TBC1D12: variants seen among roughly 807,000 people sequenced by gnomAD.
TBC1D12 encodes the protein TBC1 domain family, member 12.
In TBC1D12, 56 loss-of-function variants were observed where a neutral mutation model predicts 86.7. That is an observed-to-expected ratio of 0.65 (90% CI 0.52 to 0.81). The LOEUF (loss-of-function observed/expected upper bound fraction) is 0.81, where lower values mean the gene tolerates loss of function less well. Among genes scored for constraint, TBC1D12 ranks in the 30% least tolerant of loss-of-function variants. The pLI is 0.00. For missense variants in TBC1D12, 1,023 were observed against 1,038.8 expected, an observed-to-expected ratio of 0.98 and a Z score of 0.21; for synonymous variants, 421 against 411.7, an observed-to-expected ratio of 1.02 and a Z score of -0.27.
At chr10:94,473,195 A>G (rs2055934177) in intron 2 of TBC1D12, among the ~76,000 whole-genome samples, 1 of 151,124 alleles carries the variant, frequency 6.6e-6, no homozygotes, top group Non-Finnish European at 1.5e-5. Context: ...TCTACTAAAA[A>G]TACAAAAAAA....
Position 94,469,447 on chromosome 10 carries a change from C to CTT in TBC1D12, c.1096-5203_1096-5202dup, listed in dbSNP as rs71031578. ...CTATGCTAGTTTCTGGAGTTTTTTC[C>CTT]TTTTTTTTTTTTTTTTTTTGAGATG... On this transcript the variant is annotated intron_variant, in intron 2 of 12. Coordinates refer to ENST00000225235, the MANE Select transcript of TBC1D12 (RefSeq NM_015188.2). Among the ~76,000 whole-genome samples the CTT allele has an allele frequency of 4.6e-3, 520 of 112,550 alleles. 6 individuals carry two copies. The highest frequency in any genetic ancestry group is 0.012 in the East Asian group (42 of 3,454). 73.8% of individuals were successfully genotyped at this position (112,550 alleles called of 152,430 possible). A position where few individuals can be genotyped will look rare whatever the true frequency, so the allele number is the denominator to read the frequency against.
At chr10:94,531,809 T>TTTATTTTATG (rs1354429584) in intron 12 of TBC1D12, among the ~76,000 whole-genome samples, 74 of 147,268 alleles carry the variant, frequency 5.0e-4, no homozygotes, top group South Asian at 2.4e-3. Context: ...TTTATGTTAT[T>TTTATTTTATG]TTATTTTATG....
At chr10:94,413,738 G>GTTT (rs1257522328) in intron 1 of TBC1D12, among the ~76,000 whole-genome samples, 3 of 144,270 alleles carry the variant, frequency 2.1e-5, no homozygotes, top group Non-Finnish European at 4.6e-5. Context: ...GGCTTTTCAG[G>GTTT]TTTTTTTTTT....
intron 2 of TBC1D12, among the ~76,000 whole-genome samples, chr10:94,443,672 A>T (rs775122952): frequency 2.6e-5 from 4 of 152,208 alleles, no homozygotes; most frequent in Non-Finnish European, 5.9e-5. Flanking sequence ...CAGTTCCAAC[A>T]TTAAGTGCTA....
In TBC1D12 at chr10:94,507,299, G is replaced by C. The variant is rs764005904; in HGVS notation, c.1552G>C (p.Glu518Gln). Residue 518 changes from glutamate to glutamine, a missense_variant, in exon 7 of 13, where the codon GAA becomes CAA. Around this residue, in one of 2 missense-constraint regions of TBC1D12, gnomAD observed 395 missense variants for 507.7 expected, o/e 0.78. Transcript: ENST00000225235. ...LYEIFLSRAKERWKSFSETSS... is the reference protein window; with the variant it reads ...LYEIFLSRAKQRWKSFSETSS... ...TGAAATCTTCCTCTCAAGAGCAAAAGAACGGTGGAAAAGTTTCAGTGAAAC... is the reference window on the plus strand; with the variant it reads ...TGAAATCTTCCTCTCAAGAGCAAAACAACGGTGGAAAAGTTTCAGTGAAAC... 2.5e-6 allele frequency: 4 copies of C among 1,610,190 alleles called. No homozygotes were observed. The highest frequency in any genetic ancestry group is 1.3e-5 in the African/African-American group (1 of 74,632).
Position 94,512,811 on chromosome 10 carries a change from A to G in TBC1D12, c.1761+1157A>G, listed in dbSNP as rs560347249. 2.6e-5 allele frequency among the ~76,000 whole-genome samples: 4 copies of G among 152,352 alleles called. No homozygotes were observed. In the East Asian group the frequency reaches 5.8e-4, roughly 22 times the overall value. The stretch of plus-strand genomic sequence containing the variant: ...AGTCTTTAAACTCTCTTACTCAGGT[A>G]TTCTGTGAATGAATTGTAAGAACAC... On this transcript the variant is annotated intron_variant, in intron 9 of 12. Coordinates refer to ENST00000225235, the MANE Select transcript of TBC1D12 (RefSeq NM_015188.2).
intron 4 of TBC1D12, among the ~76,000 whole-genome samples, chr10:94,496,110 GAAGA>G (rs1406253597): frequency 1.3e-5 from 2 of 151,708 alleles, no homozygotes; most frequent in Non-Finnish European, 2.9e-5. Flanking sequence ...TTCAAAAAAA[GAAGA>G]AAGAAAGTAG....
intron 1 of TBC1D12, among the ~76,000 whole-genome samples, chr10:94,435,324 G>A (rs1287626580): frequency 6.6e-6 from 1 of 152,150 alleles, no homozygotes; most frequent in Non-Finnish European, 1.5e-5. Flanking sequence ...TTTATATCAT[G>A]TAAATTTCTA....
At chr10:94,434,874 G>C (rs1169001710) in intron 1 of TBC1D12, among the ~76,000 whole-genome samples, 2 of 152,146 alleles carry the variant, frequency 1.3e-5, no homozygotes. Context: ...TCCATTCTGA[G>C]AGTGGAACCC....
intron 9 of TBC1D12, among the ~76,000 whole-genome samples, chr10:94,513,150 G>A (rs1047463184): frequency 6.6e-6 from 1 of 152,056 alleles, no homozygotes; most frequent in Non-Finnish European, 1.5e-5. Flanking sequence ...AGGAGGCTGA[G>A]GCAGGAGAAT....
At chr10:94,498,764 T>G (rs576344497) in intron 5 of TBC1D12, among the ~76,000 whole-genome samples, 11 of 151,660 alleles carry the variant, frequency 7.3e-5, no homozygotes, top group African/African-American at 2.7e-4. Context: ...CCGTGATGTG[T>G]TTTTTGAGGG....
chr10:94,454,451 TC>T (rs2055596142), intron 2 of TBC1D12, among the ~76,000 whole-genome samples: 1 of 152,200 alleles, frequency 6.6e-6, no homozygotes, highest in Non-Finnish European at 1.5e-5. Flanking sequence ...CCTCAGGTTA[TC>T]CACCCGCCTC....
At chr10:94,422,185 G>GTTTTTTTTTTT (rs57798611) in intron 1 of TBC1D12, among the ~76,000 whole-genome samples, 2 of 106,816 alleles carry the variant, frequency 1.9e-5, no homozygotes, top group Non-Finnish European at 1.9e-5. Flanking sequence ...GGTTCATGTA[G>GTTTTTTTTTTT]TTTTTTTTTT....
At chr10:94,412,206 T>C (rs1210276827) in intron 1 of TBC1D12, among the ~76,000 whole-genome samples, 1 of 152,200 alleles carries the variant, frequency 6.6e-6, no homozygotes, top group Non-Finnish European at 1.5e-5. Flanking sequence ...GCCATGAGGG[T>C]TAAATAATAT....
chr10:94,494,106 G>A (rs957426900), intron 4 of TBC1D12, among the ~76,000 whole-genome samples: 4 of 151,916 alleles, frequency 2.6e-5, no homozygotes, highest in Non-Finnish European at 5.9e-5. Flanking sequence ...GCCCAATTGT[G>A]TCATTTGGTT....
In TBC1D12 at chr10:94,407,797, C is replaced by T. The variant is rs868446265; in HGVS notation, c.971+4213C>T. 5.5e-4 allele frequency among the ~76,000 whole-genome samples: 84 copies of T among 152,116 alleles called. 1 individual carries two copies. The highest frequency in any genetic ancestry group is 1.8e-3 in the African/African-American group (74 of 41,496). ...TAATTCCCCAAAGATCCATTTGTTA[C>T]TCTTTTTAAAAAATAGTTCTAAGCT... On this transcript the variant is annotated intron_variant, in intron 1 of 12. Coordinates refer to ENST00000225235, the MANE Select transcript of TBC1D12 (RefSeq NM_015188.2).
At chr10:94,408,026 A>G (rs2054880405) in intron 1 of TBC1D12, among the ~76,000 whole-genome samples, 1 of 152,126 alleles carries the variant, frequency 6.6e-6, no homozygotes, top group Non-Finnish European at 1.5e-5. Context: ...CTTGTTTTCT[A>G]AGTAGAATGG....
At chr10:94,479,998 C>T (rs967111651) in intron 3 of TBC1D12, among the ~76,000 whole-genome samples, 2 of 152,114 alleles carry the variant, frequency 1.3e-5, no homozygotes, top group Non-Finnish European at 2.9e-5. Context: ...GCTTGGGGAC[C>T]CACTGGGCCC....
At chr10:94,446,605 G>T (rs182926640) in intron 2 of TBC1D12, among the ~76,000 whole-genome samples, 14 of 152,036 alleles carry the variant, frequency 9.2e-5, no homozygotes, top group African/African-American at 3.4e-4. Flanking sequence ...GCCCAGGCTG[G>T]CCTCAAACTC....
Sources: allele counts gnomAD v4.1 joint callset (sites outside exome capture counted in the v4.1 genomes callset), GRCh38; gene constraint gnomAD v4.1.1; regional missense constraint gnomAD v4.1.1; transcripts MANE v1.5; gene names NCBI Gene and HGNC (gene_info 2026-07-23, HGNC 2026-07-21).